The following CHD8 variants were observed in gnomAD, a reference collection of about 807,000 sequenced individuals.
The protein encoded by CHD8 is chromodomain helicase DNA binding protein 8, also known as ATP-dependent chromatin remodeler CHD8.
Under a neutral mutation model 279.2 loss-of-function variants are expected in CHD8, and 31 were observed. The observed-to-expected ratio is 0.11, with a 90% CI of 0.08 to 0.15. The LOEUF (loss-of-function observed/expected upper bound fraction) is 0.15, where lower values mean the gene tolerates loss of function less well. Among genes scored for constraint, CHD8 ranks in the 10% least tolerant of loss-of-function variants. The probability of loss-of-function intolerance (pLI) is 1.00; values close to 1 mark genes in which losing one functional copy is unlikely to be tolerated. For missense variants in CHD8, 2,146 were observed against 3,230.5 expected, an observed-to-expected ratio of 0.66 and a Z score of 8.14; for synonymous variants, 1,081 against 1,139.6, an observed-to-expected ratio of 0.95 and a Z score of 1.04.
Position 21,394,402 on chromosome 14 carries a change from T to C in CHD8, c.5474A>G (p.His1825Arg). ...AGCAAAAGTGCGGAAGCGATCCCAA[T>C]GGAACTGCATGGTGTCAGGGTCATA... is the stretch of plus-strand genomic sequence containing the variant. The part of the protein sequence containing the change: ...VEYDPDTMQF[H>R]WDRFRTFARL... Residue 1825 changes from histidine to arginine, a missense_variant, in exon 31 of 38, where the codon CAT (histidine) becomes CGT (arginine). By Grantham distance (29) the His-to-Arg change is conservative (BLOSUM62 0). Around this residue, in one of 26 missense-constraint regions of CHD8, gnomAD observed 513 missense variants for 637.6 expected, o/e 0.80. Coordinates refer to ENST00000646647, the MANE Select transcript of CHD8 (RefSeq NM_001170629.2). 7 of 1,613,860 alleles carry C rather than the reference T, an allele frequency of 4.3e-6. No individual in the cohort carries two copies. The highest frequency in any genetic ancestry group is 5.9e-6 in the Non-Finnish European group (7 of 1,179,828).
Position 21,393,616 on chromosome 14 carries a change from G to C in CHD8, c.6179C>G (p.Pro2060Arg), listed in dbSNP as rs751108688. The C allele has an allele frequency of 6.2e-7, 1 of 1,613,898 alleles. No homozygotes were observed. The highest frequency in any genetic ancestry group is 1.1e-5 in the South Asian group (1 of 91,058). ...TTPLVSRSVP[P>R]VKLEDEDDSD... is the part of the protein sequence containing the mutation. Reference sequence around the variant, plus strand: ...ATCATCCTCATCCTCCAGTTTGACTGGTGGAACACTCCGGGAAACCAGAGG... The same window carrying C: ...ATCATCCTCATCCTCCAGTTTGACTCGTGGAACACTCCGGGAAACCAGAGG... Residue 2060 changes from proline (P) to arginine (R), a missense_variant, in exon 32 of 38, where the codon CCA becomes CGA. Physicochemically the swap from Pro to Arg is moderately radical, Grantham distance 103. Transcript: ENST00000646647.
intron 1 of CHD8, among the ~76,000 whole-genome samples, chr14:21,445,297 C>A (rs142465479): frequency 6.6e-6 from 1 of 152,274 alleles, no homozygotes; most frequent in Non-Finnish European, 1.5e-5. Flanking sequence ...TTGGGCCAGG[C>A]GCCGTGGCTC....
chr14:21,436,932 G>T, intron 1 of CHD8: 2 of 1,288,522 alleles, frequency 1.6e-6, no homozygotes, highest in Non-Finnish European at 2.0e-6. Flanking sequence ...GTGCCAGTAA[G>T]GTCCATACAG....
Position 21,402,759 on chromosome 14 carries a change from A to G in CHD8, c.3715-256T>C, listed in dbSNP as rs1030455410. ...CACAGGTGGGACCACCCACTCATTT[A>G]CATATTATCTATGGCTGTTTTTGCG... On this transcript the variant is annotated intron_variant, in intron 18 of 37. Transcript: ENST00000646647. This position sits in a 1 kb window ranked among gnomAD's most constrained non-coding sequence, Gnocchi z 4.5. Among the ~76,000 whole-genome samples, 3 of 152,196 alleles carry G rather than the reference A, an allele frequency of 2.0e-5. No homozygotes were observed. The highest frequency in any genetic ancestry group is 2.0e-4 in the Admixed American group (3 of 15,278).
chr14:21,435,900 G>A (rs1309210794), intron 1 of CHD8, among the ~76,000 whole-genome samples: 1 of 152,222 alleles, frequency 6.6e-6, no homozygotes, highest in Non-Finnish European at 1.5e-5. Context: ...GATGGGATAA[G>A]ATTTCCTATA....
chr14:21,410,270 TG>T (rs1888432138), intron 10 of CHD8, among the ~76,000 whole-genome samples: 1 of 151,208 alleles, frequency 6.6e-6, no homozygotes, highest in African/African-American at 2.4e-5. Flanking sequence ...ACTAAACAGA[TG>T]AAAAAAAAAA....
At chr14:21,437,710 C>A (rs1889846453) in intron 1 of CHD8, among the ~76,000 whole-genome samples, 1 of 152,158 alleles carries the variant, frequency 6.6e-6, no homozygotes. Flanking sequence ...ATCTTCTTCC[C>A]TCCATCGTGG....
At chr14:21,442,214 A>C (rs1048076842) in intron 1 of CHD8, among the ~76,000 whole-genome samples, 1 of 152,096 alleles carries the variant, frequency 6.6e-6, no homozygotes, top group Admixed American at 6.6e-5. Flanking sequence ...CATGCCTGTA[A>C]TCCCATCACT....
At chr14:21,425,312 C>T (rs189520480) in intron 5 of CHD8, 254 of 150,840 alleles carry the variant, frequency 1.7e-3, no homozygotes, top group African/African-American at 5.9e-3. Flanking sequence ...TTTGAGGAAA[C>T]GAGTATTGCT....
chr14:21,415,280 T>C, intron 7 of CHD8: 1 of 393,870 alleles, frequency 2.5e-6, no homozygotes, highest in Non-Finnish European at 4.5e-6. Flanking sequence ...TAGCAATATA[T>C]CTGACATCCA....
In CHD8 at chr14:21,428,950, T is replaced by G. The variant is rs368399589; in HGVS notation, c.1215+14A>C. ...TTTGTTTTCTTTCTTTTCCTTACTA[T>G]GTAAGTCTCTCACCTGTGGCTGCAG... On this transcript the variant is annotated intron_variant, in intron 3 of 37. Coordinates refer to ENST00000646647, the MANE Select transcript of CHD8 (RefSeq NM_001170629.2). 2.9e-4 allele frequency: 469 copies of G among 1,613,780 alleles called. No individual in the cohort carries two copies. Among genetic ancestry groups the G allele is most frequent in the Non-Finnish European group, 3.6e-4 (426 of 1,179,716 alleles).
intron 1 of CHD8, among the ~76,000 whole-genome samples, chr14:21,449,920 G>A (rs932699142): frequency 1.3e-5 from 2 of 152,154 alleles, no homozygotes; most frequent in African/African-American, 4.8e-5. Context: ...AGTCATATTT[G>A]TAAAACAGGC....
At chr14:21,454,030 C>T (rs991028096) in intron 1 of CHD8, among the ~76,000 whole-genome samples, 85 of 151,362 alleles carry the variant, frequency 5.6e-4, no homozygotes, top group South Asian at 1.3e-3. Context: ...TGGTGGCGGG[C>T]GCCTGTAATC....
chr14:21,431,354 G>C lies in CHD8; in HGVS notation c.290C>G (p.Thr97Ser), dbSNP rs771925976. 194 of 1,537,818 alleles carry C rather than the reference G, an allele frequency of 1.3e-4. No homozygotes were observed. The highest frequency in any genetic ancestry group is 1.7e-4 in the Non-Finnish European group (190 of 1,147,304). The change falls in exon 2 of 38, where the codon ACT (threonine) becomes AGT (serine). Residue 97 changes from threonine (T) to serine (S), a missense_variant. Thr to Ser is a moderately conservative substitution (Grantham distance 58, BLOSUM62 1). Coordinates refer to ENST00000646647, the MANE Select transcript of CHD8 (RefSeq NM_001170629.2). ...PESITLHDYT[T>S]QPASQEQPAQ... The stretch of plus-strand genomic sequence containing the variant: ...TGGCTGCTCCTGGCTGGCAGGCTGA[G>C]TGGTATAATCATGCAAGGTTATGGA...
At chr14:21,450,702 G>C (rs1890237075) in intron 1 of CHD8, among the ~76,000 whole-genome samples, 1 of 151,626 alleles carries the variant, frequency 6.6e-6, no homozygotes, top group Non-Finnish European at 1.5e-5. Flanking sequence ...AAAAGCGTAA[G>C]ACCTTATAGC....
chr14:21,454,372 C>T (rs1010270272), intron 1 of CHD8, among the ~76,000 whole-genome samples: 7 of 152,180 alleles, frequency 4.6e-5, no homozygotes, highest in African/African-American at 1.7e-4. Context: ...GGCCGGAATG[C>T]AGGGGCACGA....
At chr14:21,435,228 A>G (rs994282519) in intron 1 of CHD8, among the ~76,000 whole-genome samples, 1 of 152,262 alleles carries the variant, frequency 6.6e-6, no homozygotes, top group African/African-American at 2.4e-5. Context: ...GAGGGATGGC[A>G]GTGGAAGGGA....
chr14:21,390,580 C>T (rs866675678), intron 37 of CHD8, among the ~76,000 whole-genome samples: 4 of 152,114 alleles, frequency 2.6e-5, no homozygotes, highest in South Asian at 2.1e-4. Flanking sequence ...GAGTTCAAGA[C>T]CGGCCTGGCC....
In CHD8 at chr14:21,408,858, G is replaced by A; in HGVS notation, c.2365-33C>T. The A allele has an allele frequency of 6.3e-7, 1 of 1,587,550 alleles. No homozygotes were observed. Reference sequence around the variant, plus strand: ...ACAAGACGTTTGAATAAATGGAGTGGAGACATTATCAAAAGGTAAGACTTA... The same window carrying A: ...ACAAGACGTTTGAATAAATGGAGTGAAGACATTATCAAAAGGTAAGACTTA... On this transcript the variant is annotated intron_variant, in intron 11 of 37. Coordinates refer to ENST00000646647, the MANE Select transcript of CHD8 (RefSeq NM_001170629.2). This position sits in a 1 kb window ranked among gnomAD's most constrained non-coding sequence, Gnocchi z 4.3.
Sources: allele counts gnomAD v4.1 joint callset (sites outside exome capture counted in the v4.1 genomes callset), GRCh38; gene constraint gnomAD v4.1.1; regional missense constraint gnomAD v4.1.1; non-coding constraint Gnocchi (gnomAD v3.1); transcripts MANE v1.5; gene names NCBI Gene and HGNC (gene_info 2026-07-23, HGNC 2026-07-21).